KTN1: variants seen among roughly 807,000 people sequenced by gnomAD.
The protein encoded by KTN1 is kinectin 1, also known as kinectin.
A neutral mutation model predicts 222.5 loss-of-function variants in KTN1; 130 were observed. The observed-to-expected ratio is 0.58, with a 90% CI of 0.51 to 0.68. The LOEUF (loss-of-function observed/expected upper bound fraction) is 0.68. Ranked by LOEUF, KTN1 falls within the 30% of genes least tolerant of loss-of-function variation. The pLI is 0.00. For synonymous variants in KTN1, 512 were observed against 496.3 expected, an observed-to-expected ratio of 1.03 and a Z score of -0.42; for missense variants, 1,508 against 1,500.4, an observed-to-expected ratio of 1.01 and a Z score of -0.08.
At chr14:55,590,179 T>TA (rs2033862256) in intron 1 of KTN1, among the ~76,000 whole-genome samples, 1 of 152,224 alleles carries the variant, frequency 6.6e-6, no homozygotes. Context: ...GCAGGGAAGC[T>TA]TATGCCTGTT....
chr14:55,648,037 AGAT>A lies in KTN1; in HGVS notation c.2223_2225del (p.Asp741del). ...TTTATAATTTCAGCATTCAAGAAAA[AGAT>A]GAGAAGTTAAAGACTGTGGAAGAAT... is the stretch of plus-strand genomic sequence containing the variant. On this transcript the variant is annotated inframe_deletion, in exon 20 of 44. Transcript: ENST00000395314. The A allele has an allele frequency of 6.7e-7, 1 of 1,481,970 alleles. No homozygotes were observed. The highest frequency in any genetic ancestry group is 9.1e-7 in the Non-Finnish European group (1 of 1,104,608). The allele number at this position is 1,481,970 out of a possible 1,614,324, so 91.8% of individuals were successfully genotyped here.
Position 55,672,933 on chromosome 14 carries a change from G to A in KTN1, c.3608G>A (p.Arg1203Lys). Residue 1203 changes from arginine (R) to lysine (K), a missense_variant, in exon 39 of 44, where the codon AGA (arginine) becomes AAA (lysine). Transcript: ENST00000395314. ...TTTCCTTTGTTGCATTGCTAGCTGA[G>A]AAGAGAACGAGAACATTTGGAAATG... ...RSENKDIENLRREREHLEMEL... is the reference protein window; with the variant it reads ...RSENKDIENLKREREHLEMEL... 1 of 1,612,348 alleles carries A rather than the reference G, an allele frequency of 6.2e-7. No homozygotes were observed. The highest frequency in any genetic ancestry group is 8.5e-7 in the Non-Finnish European group (1 of 1,178,552).
intron 1 of KTN1, among the ~76,000 whole-genome samples, chr14:55,583,620 C>T (rs1446483481): frequency 6.6e-6 from 1 of 152,180 alleles, no homozygotes. Flanking sequence ...ACATCTTCTA[C>T]TCTTAAACTT....
Position 55,659,723 on chromosome 14 carries a change from C to T in KTN1, c.2999+20C>T. Reference sequence around the variant, plus strand: ...AAAAGTGTAAGTAATAAGTTTGAGTCACAGTTTATAAAGTCGTAACTATTT... The same window carrying T: ...AAAAGTGTAAGTAATAAGTTTGAGTTACAGTTTATAAAGTCGTAACTATTT... On this transcript the variant is annotated intron_variant, in intron 31 of 43. Coordinates refer to ENST00000395314, the MANE Select transcript of KTN1 (RefSeq NM_001079521.2). 1 of 1,381,168 alleles carries T rather than the reference C, an allele frequency of 7.2e-7. No homozygotes were observed. Among genetic ancestry groups the T allele is most frequent in the South Asian group, 1.2e-5 (1 of 85,332 alleles). The allele number at this position is 1,381,168 out of a possible 1,614,324, so 85.6% of individuals were successfully genotyped here.
At chr14:55,650,301 A>C in intron 22 of KTN1, 27 bp from the exon 23 acceptor site, 3 of 1,484,318 alleles carry the variant, frequency 2.0e-6, no homozygotes, top group East Asian at 2.3e-5. Context: ...ATTTCTAATC[A>C]AATTATACTG....
chr14:55,636,668 G>T, intron 10 of KTN1, 132 bp downstream of exon 10: 1 of 600,402 alleles, frequency 1.7e-6, no homozygotes, highest in East Asian at 3.0e-5. Flanking sequence ...TATACTTTCA[G>T]AATATCTTTC....
At chr14:55,619,454 TTA>T in intron 5 of KTN1, 142 bp downstream of exon 5, 1 of 741,486 alleles carries the variant, frequency 1.3e-6, no homozygotes, top group Non-Finnish European at 2.2e-6. Flanking sequence ...AGAAATTACT[TTA>T]TATATCGTAT....
intron 38 of KTN1, 51 bp from the exon 39 acceptor site, chr14:55,672,878 T>C: frequency 1.4e-6 from 2 of 1,445,656 alleles, no homozygotes; most frequent in Non-Finnish European, 1.9e-6. Context: ...TGGGGAAATA[T>C]TATGAAAGGA....
At chr14:55,611,099 T>A (rs568370387) in intron 1 of KTN1, among the ~76,000 whole-genome samples, 1 of 152,284 alleles carries the variant, frequency 6.6e-6, no homozygotes, top group East Asian at 1.9e-4. Context: ...ACTATTTTAT[T>A]TTTTTGAGAC....
At chr14:55,613,545 G>A (rs557762053) in intron 2 of KTN1, among the ~76,000 whole-genome samples, 2 of 147,706 alleles carry the variant, frequency 1.4e-5, no homozygotes, top group East Asian at 2.0e-4. Context: ...CCAGGCTGGA[G>A]TGCAGTGGTG....
intron 32 of KTN1, 30 bp downstream of exon 32, chr14:55,661,642 T>TAAAAAAAAATGA: frequency 3.4e-6 from 4 of 1,178,126 alleles, no homozygotes; most frequent in Non-Finnish European, 5.0e-6. Context: ...AATGAAGCTT[T>TAAAAAAAAATGA]TCTTTTTATT....
intron 33 of KTN1, among the ~76,000 whole-genome samples, chr14:55,665,448 A>T (rs1275574289): frequency 6.6e-6 from 1 of 152,042 alleles, no homozygotes; most frequent in African/African-American, 2.4e-5. Flanking sequence ...AGATCTACAG[A>T]GAATAGAATT....
At chr14:55,646,647 T>C (rs2042396021) in intron 18 of KTN1, among the ~76,000 whole-genome samples, 1 of 151,606 alleles carries the variant, frequency 6.6e-6, no homozygotes, top group Non-Finnish European at 1.5e-5. Context: ...TTCTTTGTAT[T>C]TGAAGAATTG....
intron 19 of KTN1, 80 bp from the exon 20 acceptor site, chr14:55,647,943 CAA>C: frequency 2.7e-6 from 1 of 374,392 alleles, no homozygotes; most frequent in East Asian, 8.0e-5. Context: ...GTCTCTGTCT[CAA>C]AAAAAAATAA....
chr14:55,652,769 T>C (rs557210913), intron 25 of KTN1, 81 bp from the exon 26 acceptor site: 105 of 893,098 alleles, frequency 1.2e-4, no homozygotes, highest in Non-Finnish European at 5.6e-5. Context: ...ACCCAAAATA[T>C]ACTTTTTTCA....
chr14:55,655,657 C>T (rs892115878), intron 28 of KTN1, among the ~76,000 whole-genome samples: 1 of 152,096 alleles, frequency 6.6e-6, no homozygotes, highest in East Asian at 1.9e-4. Flanking sequence ...ATTAAATTAT[C>T]CATAGCATCT....
chr14:55,648,491 G>A (rs557726887), intron 20 of KTN1, among the ~76,000 whole-genome samples: 1 of 152,334 alleles, frequency 6.6e-6, no homozygotes, highest in South Asian at 2.1e-4. Flanking sequence ...GAAGAAGTAA[G>A]TTAAAAGATG....
At chr14:55,646,864 G>C in intron 18 of KTN1, 109 bp from the exon 19 acceptor site, 5 of 696,792 alleles carry the variant, frequency 7.2e-6, no homozygotes, top group Non-Finnish European at 1.3e-5. Context: ...CCTAAATTTT[G>C]TATCTATTTA....
chr14:55,625,123 G>A (rs10147431), intron 5 of KTN1, among the ~76,000 whole-genome samples: 11,730 of 152,174 alleles, frequency 0.077, 503 homozygotes, highest in South Asian at 0.11. Flanking sequence ...CCAAATTCCA[G>A]TCTGGACTCT....
Sources: allele counts gnomAD v4.1 joint callset (sites outside exome capture counted in the v4.1 genomes callset), GRCh38; gene constraint gnomAD v4.1.1; transcripts MANE v1.5; gene names NCBI Gene and HGNC (gene_info 2026-07-23, HGNC 2026-07-21).